Variants in ZNF675 observed in about 807,000 individuals in gnomAD.
The protein encoded by ZNF675 is TRAF6 inhibitory zinc finger.
A neutral mutation model predicts 56.1 loss-of-function variants in ZNF675; 36 were observed. That is an observed-to-expected ratio of 0.64 (90% CI 0.49 to 0.85). The LOEUF is 0.85. ZNF675 is among the 40% of genes least tolerant of loss of function. The pLI, the probability that ZNF675 is intolerant of heterozygous loss-of-function variation, is 0.00. For missense variants in ZNF675, 663 were observed against 654.2 expected, an observed-to-expected ratio of 1.01 and a Z score of -0.15; for synonymous variants, 200 against 218.9, an observed-to-expected ratio of 0.91 and a Z score of 0.76.
intron 1 of ZNF675, among the ~76,000 whole-genome samples, chr19:23,685,005 C>A (rs1343728413): frequency 6.6e-6 from 1 of 151,542 alleles, no homozygotes; most frequent in Non-Finnish European, 1.5e-5. Context: ...GTCTCAAAGG[C>A]TTAGTTTTTC....
chr19:23,662,028 A>C, intron 3 of ZNF675, 86 bp downstream of exon 3: 1 of 993,616 alleles, frequency 1.0e-6, no homozygotes. Flanking sequence ...CGGCTTCCCA[A>C]ATCACATTTT....
chr19:23,654,301 T>C lies in ZNF675; in HGVS notation c.632A>G (p.Gln211Arg). The C allele has an allele frequency of 1.2e-6, 2 of 1,610,840 alleles. No homozygotes were observed. Among genetic ancestry groups the C allele is most frequent in the Non-Finnish European group, 1.7e-6 (2 of 1,179,076 alleles). ...KCEECEKAVN[Q>R]SSKLTKHKRI... The stretch of plus-strand genomic sequence containing the variant: ...TTTATGTTTAGTAAGCTTTGAAGAT[T>C]GGTTAACAGCTTTTTCACATTCTTC... The change falls in exon 4 of 4, where the codon CAA becomes CGA. Residue 211 changes from glutamine to arginine, a missense_variant. By Grantham distance (43) the Gln-to-Arg change is conservative (BLOSUM62 1). Coordinates refer to ENST00000359788, the MANE Select transcript of ZNF675 (RefSeq NM_138330.3).
chr19:23,654,584 T>G lies in ZNF675; in HGVS notation c.349A>C (p.Lys117Gln), dbSNP rs773629310. ...GNDNFQLKGCKSVDECKLHKG... is the reference protein window; with the variant it reads ...GNDNFQLKGCQSVDECKLHKG... ...TGCAACTTACATTCATCCACACTTT[T>G]ACAGCCTTTTAACTGAAAATTATCA... Residue 117 changes from lysine to glutamine, a missense_variant, in exon 4 of 4, where the codon AAA becomes CAA. Physicochemically the swap from Lys to Gln is moderately conservative, Grantham distance 53. Coordinates refer to ENST00000359788, the MANE Select transcript of ZNF675 (RefSeq NM_138330.3). 1.2e-6 allele frequency: 2 copies of G among 1,612,138 alleles called. No individual in the cohort carries two copies. Among genetic ancestry groups the G allele is most frequent in the East Asian group, 4.5e-5 (2 of 44,834 alleles).
At chr19:23,663,377 A>G (rs891068868) in intron 1 of ZNF675, among the ~76,000 whole-genome samples, 2 of 152,220 alleles carry the variant, frequency 1.3e-5, no homozygotes, top group African/African-American at 4.8e-5. Context: ...CAGTGTATAT[A>G]TAATAATTTT....
At chr19:23,676,407 A>AAAC (rs1568295009) in intron 1 of ZNF675, among the ~76,000 whole-genome samples, 1 of 151,372 alleles carries the variant, frequency 6.6e-6, no homozygotes, top group South Asian at 2.1e-4. Flanking sequence ...ACACACAAAC[A>AAAC]AAAAACTTCA....
At chr19:23,679,564 AAC>A (rs1418311309) in intron 1 of ZNF675, among the ~76,000 whole-genome samples, 6 of 151,752 alleles carry the variant, frequency 4.0e-5, no homozygotes, top group Middle Eastern at 3.2e-3. Flanking sequence ...GAAAACTATT[AAC>A]AGAGTAAAGA....
chr19:23,682,070 TCTTC>T (rs1568296645), intron 1 of ZNF675, among the ~76,000 whole-genome samples: 4 of 151,866 alleles, frequency 2.6e-5, no homozygotes, highest in Admixed American at 6.6e-5. Flanking sequence ...CTGCATATTT[TCTTC>T]CTTTTCTTAA....
chr19:23,687,186 C>G lies in ZNF675; in HGVS notation c.-153G>C. The G allele has an allele frequency of 1.1e-6, 1 of 883,622 alleles. No homozygotes were observed. The highest frequency in any genetic ancestry group is 1.8e-6 in the Non-Finnish European group (1 of 556,054). The allele number at this position is 883,622 out of a possible 1,614,324, so 54.7% of individuals were successfully genotyped here. On this transcript the variant is annotated 5_prime_UTR_variant, in exon 1 of 4. Coordinates refer to ENST00000359788, the MANE Select transcript of ZNF675 (RefSeq NM_138330.3). ...CGGCTGCAGCGAGAGACAAAGGCGC[C>G]GCCAAATCCCGGAAGCCATCTTGTC...
Position 23,662,115 on chromosome 19 carries a change from T to C in ZNF675, c.225A>G (p.Pro75=), listed in dbSNP as rs762631014. 5 of 1,611,310 alleles carry C rather than the reference T, an allele frequency of 3.1e-6. No individual in the cohort carries two copies. The highest frequency in any genetic ancestry group is 4.2e-6 in the Non-Finnish European group (5 of 1,177,768). Residue 75 remains proline (P), a splice_region_variant and synonymous_variant, in exon 3 of 4, where the codon CCA becomes CCG. Transcript: ENST00000359788. ...GTATTCACTTTCATTCTCACTTACC[T>C]GGGGGTTCATTCACCATCTCATGTC... ...VKRHEMVNEP[P]VMCSHFAQEF... is the part of the protein sequence containing the mutation.
In ZNF675 at chr19:23,652,838, T is replaced by C. The variant is rs1479959922; in HGVS notation, c.*388A>G. On this transcript the variant is annotated 3_prime_UTR_variant, in exon 4 of 4. Transcript: ENST00000359788. ...ACAACCCTCTTTATGTTTGTAATCT[T>C]TGTCTTCAAAACGAATACTCTTCTT... The C allele has an allele frequency of 6.1e-6, 1 of 162,872 alleles. No individual in the cohort carries two copies. 10.1% of individuals were successfully genotyped at this position (162,872 alleles called of 1,614,324 possible).
At chr19:23,660,623 TGA>T (rs1968063326) in intron 3 of ZNF675, among the ~76,000 whole-genome samples, 1 of 152,126 alleles carries the variant, frequency 6.6e-6, no homozygotes, top group East Asian at 1.9e-4. Flanking sequence ...AATAAATTTC[TGA>T]GAACAAATTT....
At chr19:23,681,467 G>A (rs1968375631) in intron 1 of ZNF675, among the ~76,000 whole-genome samples, 1 of 151,674 alleles carries the variant, frequency 6.6e-6, no homozygotes, top group Admixed American at 6.6e-5. Flanking sequence ...AGGACAACGA[G>A]CTTGTGTACA....
At chr19:23,675,889 CAA>C (rs1028268873) in intron 1 of ZNF675, among the ~76,000 whole-genome samples, 8 of 139,822 alleles carry the variant, frequency 5.7e-5, no homozygotes, top group Non-Finnish European at 1.1e-4. Flanking sequence ...TAAAAAACTA[CAA>C]AAAAGACTAA....
chr19:23,669,599 C>T (rs545249455), intron 1 of ZNF675, among the ~76,000 whole-genome samples: 1 of 151,974 alleles, frequency 6.6e-6, no homozygotes, highest in Non-Finnish European at 1.5e-5. Flanking sequence ...GTAGTCCGGG[C>T]GTGGTGGCTC....
chr19:23,659,699 G>A (rs12609935), intron 3 of ZNF675, among the ~76,000 whole-genome samples: 1 of 151,870 alleles, frequency 6.6e-6, no homozygotes, highest in African/African-American at 2.4e-5. Flanking sequence ...CTAGGAAATG[G>A]CCCACCCAAC....
intron 1 of ZNF675, among the ~76,000 whole-genome samples, chr19:23,667,496 G>A (rs1955292969): frequency 6.6e-6 from 1 of 152,234 alleles, no homozygotes; most frequent in Admixed American, 6.5e-5. Flanking sequence ...CAATCCCTGA[G>A]CTAGACACAA....
At chr19:23,658,985 AGAGATC>A (rs1968040630) in intron 3 of ZNF675, among the ~76,000 whole-genome samples, 1 of 147,802 alleles carries the variant, frequency 6.8e-6, no homozygotes, top group Non-Finnish European at 1.5e-5. Context: ...ATCTAGAGAT[AGAGATC>A]GAGATCTATA....
At chr19:23,676,990 C>T (rs914207864) in intron 1 of ZNF675, among the ~76,000 whole-genome samples, 6 of 122,806 alleles carry the variant, frequency 4.9e-5, no homozygotes, top group East Asian at 3.2e-4. Flanking sequence ...AAGAGAATGG[C>T]GGCGTTAACC....
chr19:23,665,712 T>G (rs1968142475), intron 1 of ZNF675, among the ~76,000 whole-genome samples: 1 of 152,156 alleles, frequency 6.6e-6, no homozygotes. Flanking sequence ...TCGGTCAGGC[T>G]GGTCTCAAAC....
Sources: allele counts gnomAD v4.1 joint callset (sites outside exome capture counted in the v4.1 genomes callset), GRCh38; gene constraint gnomAD v4.1.1; transcripts MANE v1.5; gene names NCBI Gene and HGNC (gene_info 2026-07-23, HGNC 2026-07-21).